The following ABCB11 variants were observed in gnomAD, a reference collection of about 807,000 sequenced individuals.
ABCB11 encodes the protein ATP binding cassette subfamily B member 11, also known as bile salt export pump.
Under a neutral mutation model 148.0 loss-of-function variants are expected in ABCB11, and 95 were observed. The observed-to-expected ratio is 0.64, with a 90% CI of 0.54 to 0.76. ABCB11 has a LOEUF of 0.76. Ranked by LOEUF, ABCB11 falls within the 30% of genes least tolerant of loss-of-function variation. The pLI, the probability that ABCB11 is intolerant of heterozygous loss-of-function variation, is 0.00. For missense variants in ABCB11, 1,523 were observed against 1,617.8 expected, an observed-to-expected ratio of 0.94 and a Z score of 1.01; for synonymous variants, 591 against 555.4, an observed-to-expected ratio of 1.06 and a Z score of -0.90.
chr2:168,972,466 A>G (rs1221405462), intron 13 of ABCB11, among the ~76,000 whole-genome samples: 2 of 151,918 alleles, frequency 1.3e-5, no homozygotes, highest in African/African-American at 4.8e-5. Flanking sequence ...AGTAAGTCTT[A>G]CTTTCTGGCC....
At chr2:168,928,071 T>TA (rs1257975846) in intron 25 of ABCB11, among the ~76,000 whole-genome samples, 2 of 152,180 alleles carry the variant, frequency 1.3e-5, no homozygotes, top group African/African-American at 4.8e-5. Flanking sequence ...CGTGCTACTA[T>TA]AAAGTATTTG....
At chr2:168,928,119 T>A (rs1376133086) in intron 25 of ABCB11, among the ~76,000 whole-genome samples, 3 of 152,202 alleles carry the variant, frequency 2.0e-5, no homozygotes, top group Admixed American at 6.5e-5. Flanking sequence ...ATAAATGGTA[T>A]GAACAGATTA....
chr2:169,018,212 A>C, intron 1 of ABCB11, 60 bp from the exon 2 acceptor site: 1 of 1,471,994 alleles, frequency 6.8e-7, no homozygotes, highest in Non-Finnish European at 9.4e-7. Flanking sequence ...CTTTAATCAA[A>C]GTAGCCAAAC....
chr2:168,927,125 T>C, intron 26 of ABCB11, 31 bp downstream of exon 26: 1 of 1,568,226 alleles, frequency 6.4e-7, no homozygotes, highest in Non-Finnish European at 8.8e-7. Flanking sequence ...TCCTTGTCTC[T>C]CATAGGGAAT....
intron 13 of ABCB11, among the ~76,000 whole-genome samples, chr2:168,972,339 A>T (rs921999745): frequency 2.5e-4 from 7 of 28,374 alleles, no homozygotes; most frequent in African/African-American, 8.9e-4. Context: ...AGTAAAGAGT[A>T]GAGACAGTTA....
At chr2:168,926,454 T>C (rs1691316131) in intron 26 of ABCB11, among the ~76,000 whole-genome samples, 1 of 152,190 alleles carries the variant, frequency 6.6e-6, no homozygotes, top group South Asian at 2.1e-4. Flanking sequence ...TCAGAAAGGA[T>C]AATTGTCCCA....
intron 21 of ABCB11, among the ~76,000 whole-genome samples, chr2:168,942,931 T>C (rs1574413698): frequency 2.0e-5 from 3 of 151,884 alleles, no homozygotes; most frequent in South Asian, 4.1e-4. Context: ...ATTTAAAAAA[T>C]ATTTTTGAAA....
Position 168,956,460 on chromosome 2 carries a change from T to C in ABCB11, c.2343+1504A>G, listed in dbSNP as rs192652648. Reference sequence around the variant, plus strand: ...TGTATCAGTTGCTTGTTCCAATTTTTGAATTTGCTTTTGTAGGGGAGATTT... The same window carrying C: ...TGTATCAGTTGCTTGTTCCAATTTTCGAATTTGCTTTTGTAGGGGAGATTT... On this transcript the variant is annotated intron_variant, in intron 19 of 27. Coordinates refer to ENST00000650372, the MANE Select transcript of ABCB11 (RefSeq NM_003742.4). Among the ~76,000 whole-genome samples the C allele has an allele frequency of 3.7e-4, 56 of 151,820 alleles. No individual in the cohort carries two copies. The East Asian group carries it at 8.8e-3, about 24-fold the overall frequency.
At chr2:168,971,280 G>A (rs766422313) in intron 14 of ABCB11, among the ~76,000 whole-genome samples, 11 of 152,000 alleles carry the variant, frequency 7.2e-5, no homozygotes, top group African/African-American at 2.4e-4. Context: ...AGTAAGAACC[G>A]TATACGTGTT....
intron 16 of ABCB11, 36 bp from the exon 17 acceptor site, chr2:168,968,526 A>G (rs1693418326): frequency 6.5e-7 from 1 of 1,548,694 alleles, no homozygotes; most frequent in Admixed American, 1.7e-5. Context: ...TTTAGTATAT[A>G]CAATAAACAG....
rs372382608 is a variant in ABCB11 at position 168,986,263 on chromosome 2, G to A, written c.930C>T (p.Phe310=). ...CTTTTCTAATTCCCCAACGCTGGGC[G>A]AACACAAGATTTTTCTCATACCTGT... ...EVERYEKNLV[F]AQRWGIRKGI... is the part of the protein sequence containing the mutation. The change falls in exon 10 of 28, where the codon TTC becomes TTT. Residue 310 remains phenylalanine (F), a synonymous_variant. Coordinates refer to ENST00000650372, the MANE Select transcript of ABCB11 (RefSeq NM_003742.4). 127 of 1,612,558 alleles carry A rather than the reference G, an allele frequency of 7.9e-5. No homozygotes were observed. The African/African-American group carries it at 1.1e-3, about 14-fold the overall frequency.
intron 5 of ABCB11, among the ~76,000 whole-genome samples, chr2:169,005,752 A>C (rs1419403080): frequency 6.6e-6 from 1 of 152,212 alleles, no homozygotes; most frequent in Non-Finnish European, 1.5e-5. Context: ...AAATATGTTA[A>C]TTAGCTCAAT....
At chr2:168,950,455 A>G (rs1692512367) in intron 19 of ABCB11, among the ~76,000 whole-genome samples, 1 of 151,466 alleles carries the variant, frequency 6.6e-6, no homozygotes, top group South Asian at 2.1e-4. Flanking sequence ...TGTTGTTTTT[A>G]TACTTTTTAA....
At chr2:168,925,639 A>G (rs486981) in intron 26 of ABCB11, among the ~76,000 whole-genome samples, 111,598 of 152,134 alleles carry the variant, frequency 0.73, 41,684 homozygotes, top group East Asian at 0.97. Flanking sequence ...GCTCTCCTCT[A>G]AGTCCTTGCC....
chr2:168,974,011 T>C (rs954885695), intron 12 of ABCB11, among the ~76,000 whole-genome samples, 171 bp from the exon 13 acceptor site: 2 of 151,994 alleles, frequency 1.3e-5, no homozygotes, highest in East Asian at 3.9e-4. Flanking sequence ...AAAGGAAACA[T>C]TGGCAAGGAT....
rs1403240156 is a variant in ABCB11 at position 168,921,688 on chromosome 2, G to C, written c.*1934C>G. Reference sequence around the variant, plus strand: ...TGTTAAAATACTTCCTCAGTGTCTGGTGGTCCTTGGAAGTCAATTCCCATG... The same window carrying C: ...TGTTAAAATACTTCCTCAGTGTCTGCTGGTCCTTGGAAGTCAATTCCCATG... On this transcript the variant is annotated 3_prime_UTR_variant, in exon 28 of 28. Coordinates refer to ENST00000650372, the MANE Select transcript of ABCB11 (RefSeq NM_003742.4). 1.3e-5 allele frequency among the ~76,000 whole-genome samples: 2 copies of C among 151,814 alleles called. No individual in the cohort carries two copies. The highest frequency in any genetic ancestry group is 2.9e-5 in the Non-Finnish European group (2 of 67,990).
intron 19 of ABCB11, among the ~76,000 whole-genome samples, chr2:168,955,601 T>G (rs966198678): frequency 1.3e-5 from 2 of 151,608 alleles, no homozygotes; most frequent in Non-Finnish European, 3.0e-5. Flanking sequence ...ACACGAGATT[T>G]GGGTGGGGAC....
chr2:168,993,735 C>T lies in ABCB11; in HGVS notation c.759G>A (p.Gly253=). The T allele has an allele frequency of 6.2e-7, 1 of 1,609,492 alleles. No homozygotes were observed. Among genetic ancestry groups the T allele is most frequent in the Non-Finnish European group, 8.5e-7 (1 of 1,177,744 alleles). Residue 253 remains glycine, a synonymous_variant, in exon 8 of 28, where the codon GGG becomes GGA. Transcript: ENST00000650372. The part of the protein sequence containing the change: ...LVIISVSPLI[G]IGAATIGLSV... The stretch of plus-strand genomic sequence containing the variant: ...CCAGACCAATGGTGGCTGCTCCAAT[C>T]CCAATGAGAGGGCTGACAGAAATAA...
intron 19 of ABCB11, among the ~76,000 whole-genome samples, chr2:168,947,538 T>C (rs905356887): frequency 4.6e-5 from 7 of 151,742 alleles, no homozygotes; most frequent in Non-Finnish European, 1.0e-4. Flanking sequence ...TCCCACAGTG[T>C]GGTCTCAATA....
Sources: allele counts gnomAD v4.1 joint callset (sites outside exome capture counted in the v4.1 genomes callset), GRCh38; gene constraint gnomAD v4.1.1; transcripts MANE v1.5; gene names NCBI Gene and HGNC (gene_info 2026-07-23, HGNC 2026-07-21).